The following LTF variants were observed in gnomAD, a reference collection of about 807,000 sequenced individuals.
The protein encoded by LTF is epididymis luminal protein 110.
LTF carries 91 observed loss-of-function variants against 87.2 expected under a neutral mutation model. The observed-to-expected ratio is 1.04, with a 90% CI of 0.88 to 1.24. The LOEUF (loss-of-function observed/expected upper bound fraction) is 1.24. Among genes scored for constraint, LTF ranks in the 50% most tolerant of loss-of-function variants. The probability of loss-of-function intolerance (pLI) is 0.00; values close to 1 mark genes in which losing one functional copy is unlikely to be tolerated. For synonymous variants in LTF, 378 were observed against 356.1 expected, an observed-to-expected ratio of 1.06 and a Z score of -0.69; for missense variants, 901 against 904.3, an observed-to-expected ratio of 1.00 and a Z score of 0.05.
chr3:46,450,086 A>C, intron 7 of LTF, 58 bp from the exon 8 acceptor site: 1 of 1,373,510 alleles, frequency 7.3e-7, no homozygotes. Context: ...AAACAAAAAA[A>C]TGATGTTAAA....
At chr3:46,444,848 G>C (rs1230149766) in intron 12 of LTF, among the ~76,000 whole-genome samples, 5 of 152,192 alleles carry the variant, frequency 3.3e-5, no homozygotes, top group Non-Finnish European at 5.9e-5. Context: ...TCTTATTCAG[G>C]CTCCGTTGCA....
At chr3:46,440,790 G>C (rs954495086) in intron 14 of LTF, among the ~76,000 whole-genome samples, 2 of 152,204 alleles carry the variant, frequency 1.3e-5, no homozygotes, top group African/African-American at 2.4e-5. Flanking sequence ...CTGAGACTTG[G>C]GGGTTGGAAT....
At chr3:46,479,987 GA>G (rs1703412736) in intron 1 of LTF, among the ~76,000 whole-genome samples, 1 of 152,206 alleles carries the variant, frequency 6.6e-6, no homozygotes, top group Admixed American at 6.5e-5. Flanking sequence ...TTTGGCCTGA[GA>G]AACTAAAAGG....
At chr3:46,480,612 C>T (rs1259054708) in intron 1 of LTF, among the ~76,000 whole-genome samples, 1 of 152,170 alleles carries the variant, frequency 6.6e-6, no homozygotes, top group East Asian at 1.9e-4. Context: ...GCATCATGGC[C>T]TTTCCATGAG....
Position 46,455,429 on chromosome 3 carries a change from G to A in LTF, c.513C>T (p.Phe171=). The part of the protein sequence containing the change: ...PEPIEAAVAR[F]FSASCVPGAD... ...CACCGGGAACACAGCTGGCTGAGAA[G>A]AACCTGGCCACAGCTGTTAAACACA... The change falls in exon 5 of 17, where the codon TTC becomes TTT. Residue 171 remains phenylalanine, a synonymous_variant. Transcript: ENST00000231751. 6.2e-7 allele frequency: 1 copy of A among 1,614,252 alleles called. No individual in the cohort carries two copies. Among genetic ancestry groups the A allele is most frequent in the Non-Finnish European group, 8.5e-7 (1 of 1,180,040 alleles).
chr3:46,464,791 C>A (rs776033322), intron 1 of LTF, 34 bp downstream of exon 1: 2 of 1,612,536 alleles, frequency 1.2e-6, no homozygotes, highest in Admixed American at 1.7e-5. Flanking sequence ...AGACGCCCAT[C>A]AGGCGGCTCG....
At chr3:46,444,658 A>G (rs539121808) in intron 12 of LTF, among the ~76,000 whole-genome samples, 28 of 152,190 alleles carry the variant, frequency 1.8e-4, no homozygotes, top group Admixed American at 3.3e-4. Flanking sequence ...TCAAAAACCC[A>G]TGCAGTGGAG....
intron 11 of LTF, among the ~76,000 whole-genome samples, chr3:46,446,058 G>C (rs1702646190): frequency 6.6e-6 from 1 of 152,186 alleles, no homozygotes; most frequent in South Asian, 2.1e-4. Flanking sequence ...TGGGACACGA[G>C]TCCCAGGTCA....
At chr3:46,436,567 C>T (rs1173859627) in intron 16 of LTF, among the ~76,000 whole-genome samples, 1 of 152,218 alleles carries the variant, frequency 6.6e-6, no homozygotes, top group Non-Finnish European at 1.5e-5. Flanking sequence ...AACCTGTTTG[C>T]AATCATGTTC....
At chr3:46,459,877 G>A (rs150691853) in intron 1 of LTF, 58 bp from the exon 2 acceptor site, 73 of 1,314,122 alleles carry the variant, frequency 5.6e-5, no homozygotes, top group Non-Finnish European at 7.0e-5. Context: ...CGTGACCACC[G>A]CACCCTCTGA....
chr3:46,444,117 C>T (rs1256752640), intron 12 of LTF, among the ~76,000 whole-genome samples: 1 of 152,210 alleles, frequency 6.6e-6, no homozygotes, highest in Non-Finnish European at 1.5e-5. Flanking sequence ...TGGTACATGC[C>T]TTTTGCCCTT....
upstream of LTF, chr3:46,468,208 G>C (rs1309827781): frequency 2.2e-6 from 1 of 456,738 alleles, no homozygotes; most frequent in Non-Finnish European, 4.4e-6. Flanking sequence ...GGCTGCCTAA[G>C]CCAGGCCATG....
chr3:46,467,624 T>TTTTTC (rs1263112835), upstream of LTF, among the ~76,000 whole-genome samples: 27 of 150,868 alleles, frequency 1.8e-4, no homozygotes, highest in African/African-American at 4.4e-4. Context: ...AGGAATTCTT[T>TTTTTC]TTTTCTTTTC....
chr3:46,462,432 T>C (rs1703106186), intron 1 of LTF, among the ~76,000 whole-genome samples: 1 of 152,202 alleles, frequency 6.6e-6, no homozygotes, highest in Admixed American at 6.5e-5. Context: ...TAACTAGTTA[T>C]GTGGCTTGTG....
chr3:46,450,238 C>T (rs1416151424), intron 7 of LTF, among the ~76,000 whole-genome samples: 1 of 152,048 alleles, frequency 6.6e-6, no homozygotes, highest in Non-Finnish European at 1.5e-5. Context: ...GGTCCAAGCA[C>T]CTTAGGGCCC....
intron 10 of LTF, 77 bp downstream of exon 10, chr3:46,447,231 T>C: frequency 3.0e-6 from 3 of 1,001,084 alleles, no homozygotes; most frequent in East Asian, 2.4e-5. Context: ...TTCACCTGCA[T>C]TCACCGAATG....
Position 46,472,523 on chromosome 3 carries a change from T to A in LTF, c.-319-2057A>T, listed in dbSNP as rs1193157683. Among the ~76,000 whole-genome samples the A allele has an allele frequency of 3.0e-3, 433 of 146,270 alleles. 1 individual carries two copies. The highest frequency in any genetic ancestry group is 0.011 in the African/African-American group (412 of 37,182). On this transcript the variant is annotated intron_variant, in intron 1 of 19. Coordinates refer to the LTF transcript ENST00000443496. Reference sequence around the variant, plus strand: ...GTGTGTGTGTGTGTGTGTGTGTGTGTGTGTGAGAGAGAGAGAGAGAGAGAG... The same window carrying A: ...GTGTGTGTGTGTGTGTGTGTGTGTGAGTGTGAGAGAGAGAGAGAGAGAGAG...
chr3:46,480,920 G>A (rs1212892302), intron 1 of LTF, among the ~76,000 whole-genome samples: 1 of 152,118 alleles, frequency 6.6e-6, no homozygotes, highest in South Asian at 2.1e-4. Context: ...GGCCATGGGG[G>A]CTGACACATA....
intron 6 of LTF, chr3:46,454,059 GGA>G (rs1163541712): frequency 3.8e-6 from 2 of 527,548 alleles, no homozygotes; most frequent in East Asian, 6.2e-5. Flanking sequence ...TTGGAGGACT[GGA>G]GGACGCATTG....
Sources: allele counts gnomAD v4.1 joint callset (sites outside exome capture counted in the v4.1 genomes callset), GRCh38; gene constraint gnomAD v4.1.1; transcripts MANE v1.5; gene names NCBI Gene and HGNC (gene_info 2026-07-23, HGNC 2026-07-21).